Variants in ZNF333 observed in about 807,000 individuals in gnomAD.
ZNF333 encodes zinc finger protein 333.
Under a neutral mutation model 76.1 loss-of-function variants are expected in ZNF333, and 61 were observed. That is an observed-to-expected ratio of 0.80 (90% CI 0.65 to 0.99). The LOEUF (loss-of-function observed/expected upper bound fraction) is 0.99, where lower values mean the gene tolerates loss of function less well. ZNF333 is among the 50% of genes least tolerant of loss of function. The pLI, the probability that ZNF333 is intolerant of heterozygous loss-of-function variation, is 0.00. For missense variants in ZNF333, 717 were observed against 822.4 expected, an observed-to-expected ratio of 0.87 and a Z score of 1.57; for synonymous variants, 284 against 305.0, an observed-to-expected ratio of 0.93 and a Z score of 0.72.
intron 8 of ZNF333, 69 bp downstream of exon 8, chr19:14,715,539 G>T: frequency 6.9e-7 from 1 of 1,441,976 alleles, no homozygotes; most frequent in South Asian, 1.2e-5. Context: ...TTCTTCCTGT[G>T]ACCTGTCTGG....
intron 1 of ZNF333, among the ~76,000 whole-genome samples, chr19:14,692,548 C>T (rs1190157367): frequency 6.6e-6 from 1 of 152,004 alleles, no homozygotes; most frequent in Admixed American, 6.5e-5. Flanking sequence ...GAGTCTTGCT[C>T]TGTCACCCAG....
intron 5 of ZNF333, chr19:14,701,757 G>A (rs2041964333): frequency 2.0e-6 from 2 of 985,408 alleles, no homozygotes; most frequent in Non-Finnish European, 2.4e-6. Context: ...TGGCAGGCAT[G>A]GGGCTCTTGT....
At chr19:14,696,265 G>C (rs988053258) in intron 4 of ZNF333, among the ~76,000 whole-genome samples, 2 of 152,130 alleles carry the variant, frequency 1.3e-5, no homozygotes, top group Non-Finnish European at 2.9e-5. Context: ...ACAACCTTGT[G>C]TAAACATCAC....
chr19:14,698,841 AAAAAAAC>A (rs58913952), intron 4 of ZNF333, among the ~76,000 whole-genome samples: 20,932 of 143,656 alleles, frequency 0.15, 2,138 homozygotes, highest in African/African-American at 0.26. Flanking sequence ...CTCTGTCTCA[AAAAAAAC>A]AAAAAACAAA....
chr19:14,732,311 T>C (rs571456391), exon 12 of ZNF333: 1 of 152,212 alleles, frequency 6.6e-6, no homozygotes, highest in Non-Finnish European at 1.5e-5. Flanking sequence ...TTAAAGTATG[T>C]ACATTAAAAA....
intron 7 of ZNF333, chr19:14,707,240 T>TAA (rs34492314): frequency 0.032 from 3,790 of 116,650 alleles, 266 homozygotes; most frequent in African/African-American, 0.11. Flanking sequence ...CCCCTATTTC[T>TAA]AAAAAAAAAA....
intron 5 of ZNF333, among the ~76,000 whole-genome samples, chr19:14,703,196 C>T (rs2042010345): frequency 7.0e-6 from 1 of 143,322 alleles, no homozygotes; most frequent in Non-Finnish European, 1.5e-5. Flanking sequence ...CAGCAAGACT[C>T]CGTCTCAAAA....
downstream of ZNF333, among the ~76,000 whole-genome samples, chr19:14,725,153 G>A (rs961658713): frequency 2.0e-5 from 3 of 152,166 alleles, no homozygotes; most frequent in Non-Finnish European, 2.9e-5. Flanking sequence ...GAGAATGGGA[G>A]CGAGCAGGCA....
chr19:14,731,217 T>C, exon 12 of ZNF333: 1 of 1,531,614 alleles, frequency 6.5e-7, no homozygotes, highest in South Asian at 1.2e-5. Flanking sequence ...CAGTACTCTC[T>C]TGCATGTTCA....
In ZNF333 at chr19:14,719,421, T is replaced by C; in HGVS notation, c.*96T>C. The C allele has an allele frequency of 1.5e-6, 2 of 1,350,234 alleles. No individual in the cohort carries two copies. The highest frequency in any genetic ancestry group is 9.9e-7 in the Non-Finnish European group (1 of 1,012,546). The allele number at this position is 1,350,234 out of a possible 1,614,324, so 83.6% of individuals were successfully genotyped here. A position where few individuals can be genotyped will look rare whatever the true frequency, so the allele number is the denominator to read the frequency against. On this transcript the variant is annotated 3_prime_UTR_variant, in exon 12 of 12. Transcript: ENST00000292530. Reference sequence around the variant, plus strand: ...TGTGTTTCAATGTATAATATTTTCATTTTGGTTTAATTGTAAGTATTGTCT... The same window carrying C: ...TGTGTTTCAATGTATAATATTTTCACTTTGGTTTAATTGTAAGTATTGTCT...
chr19:14,713,566 A>C lies in ZNF333; in HGVS notation c.512-1816A>C, dbSNP rs559395193. On this transcript the variant is annotated intron_variant, in intron 7 of 11. Transcript: ENST00000292530. ...GGGAGACACGAAGAGGAGGGCCTGCAACCTGTGGACGCCAGCAACATGTTG... is the reference window on the plus strand; with the variant it reads ...GGGAGACACGAAGAGGAGGGCCTGCCACCTGTGGACGCCAGCAACATGTTG... 7.2e-5 allele frequency among the ~76,000 whole-genome samples: 11 copies of C among 152,270 alleles called. 1 individual carries two copies. Among genetic ancestry groups the C allele is most frequent in the African/African-American group, 2.6e-4 (11 of 41,558 alleles).
intron 6 of ZNF333, chr19:14,706,029 C>G (rs1034934797): frequency 1.4e-4 from 63 of 450,866 alleles, no homozygotes; most frequent in South Asian, 8.5e-4. Flanking sequence ...CATGTACCCC[C>G]CAACCTCCCA....
In ZNF333 at chr19:14,715,215, G is replaced by A. The variant is rs963662392; in HGVS notation, c.512-167G>A. On this transcript the variant is annotated intron_variant, in intron 7 of 11. Coordinates refer to ENST00000292530, the MANE Select transcript of ZNF333 (RefSeq NM_032433.4). ...TGTGCATGTGATTGCATGCATGCGT[G>A]TGCAAGAGCTTGCAGATATGTGTCT... 13 of 599,184 alleles carry A rather than the reference G, an allele frequency of 2.2e-5. No homozygotes were observed. The African/African-American group carries it at 2.2e-4, about 10-fold the overall frequency. 37.1% of individuals were successfully genotyped at this position (599,184 alleles called of 1,614,324 possible).
chr19:14,695,440 C>T, intron 3 of ZNF333, 126 bp from the exon 4 acceptor site: 4 of 967,584 alleles, frequency 4.1e-6, no homozygotes, highest in Non-Finnish European at 6.4e-6. Flanking sequence ...ACCCATCACA[C>T]TTGCTCAGCC....
Position 14,716,536 on chromosome 19 carries a change from G to A in ZNF333, c.727+298G>A, listed in dbSNP as rs151208715. ...AGCCCCACAATGTGCTGGGATTGCA[G>A]ACATGAGCCACTGTGCCTGGCCAAG... On this transcript the variant is annotated intron_variant, in intron 9 of 11. Coordinates refer to ENST00000292530, the MANE Select transcript of ZNF333 (RefSeq NM_032433.4). Among the ~76,000 whole-genome samples the A allele has an allele frequency of 3.3e-5, 5 of 152,298 alleles. No individual in the cohort carries two copies. In the East Asian group the frequency reaches 7.7e-4, roughly 23 times the overall value.
chr19:14,716,879 G>C (rs951592572), intron 9 of ZNF333, 115 bp from the exon 10 acceptor site: 12 of 849,486 alleles, frequency 1.4e-5, no homozygotes, highest in Middle Eastern at 2.5e-4. Flanking sequence ...CAGAATTTAG[G>C]CACATGCATT....
At position 14,690,086 on chromosome 19, in the gene ZNF333, G is replaced by A. The variant is rs1458617342; in HGVS notation, c.-106G>A. The A allele has an allele frequency of 6.7e-6, 1 of 150,268 alleles. No individual in the cohort carries two copies. Among genetic ancestry groups the A allele is most frequent in the Non-Finnish European group, 1.5e-5 (1 of 67,258 alleles). The allele number at this position is 150,268 out of a possible 1,614,324, so 9.3% of individuals were successfully genotyped here. On this transcript the variant is annotated 5_prime_UTR_variant, in exon 1 of 12. Transcript: ENST00000292530. ...CGCGGCGGCGGCCGACGGCGGCTGAGCTGTGCTGCGCGGCGCGGCGCGGTG... is the reference window on the plus strand; with the variant it reads ...CGCGGCGGCGGCCGACGGCGGCTGAACTGTGCTGCGCGGCGCGGCGCGGTG...
intron 11 of ZNF333, among the ~76,000 whole-genome samples, chr19:14,730,998 C>G (rs1036709933): frequency 6.6e-6 from 1 of 151,954 alleles, no homozygotes. Flanking sequence ...CTTTCAAACT[C>G]CCATCCCAGA....
chr19:14,732,997 C>T (rs965378155), exon 12 of ZNF333: 3 of 152,232 alleles, frequency 2.0e-5, no homozygotes, highest in African/African-American at 7.2e-5. Context: ...GGGCTCTACA[C>T]TCATAGGGAC....
Sources: gnomAD v4.1 joint callset for allele counts (sites outside exome capture counted in the v4.1 genomes callset) on GRCh38, gnomAD v4.1.1 for gene constraint, MANE v1.5 for transcripts, NCBI Gene and HGNC (gene_info 2026-07-23, HGNC 2026-07-21) for gene names.